The following TPTE variants were observed in gnomAD, a reference collection of about 807,000 sequenced individuals.
TPTE encodes transmembrane phosphatase with tensin homology.
Under a neutral mutation model 84.1 loss-of-function variants are expected in TPTE, and 59 were observed. The observed-to-expected ratio is 0.70, with a 90% confidence interval of 0.57 to 0.87. The LOEUF (loss-of-function observed/expected upper bound fraction) is 0.87. TPTE is among the 40% of genes least tolerant of loss of function. TPTE has a pLI of 0.00. For synonymous variants in TPTE, 130 were observed against 223.5 expected, an observed-to-expected ratio of 0.58 and a Z score of 3.73; for missense variants, 382 against 659.6, an observed-to-expected ratio of 0.58 and a Z score of 4.61.
chr21:10,589,141 T>G (rs1458090041), intron 17 of TPTE, among the ~76,000 whole-genome samples: 2 of 152,308 alleles, frequency 1.3e-5, no homozygotes, highest in Non-Finnish European at 2.9e-5. Context: ...TATTTTTGTT[T>G]GGGTAGGATT....
At chr21:10,524,802 G>A (rs1221389188) in intron 2 of TPTE, 114 bp downstream of exon 2, 2 of 152,430 alleles carry the variant, frequency 1.3e-5, no homozygotes, top group Non-Finnish European at 2.9e-5. Context: ...GCACAAGGTG[G>A]TAGACTGAGA....
At chr21:10,564,416 C>A (rs1487315963) in intron 10 of TPTE, among the ~76,000 whole-genome samples, 1 of 151,692 alleles carries the variant, frequency 6.6e-6, no homozygotes, top group African/African-American at 2.4e-5. Context: ...AGGCCGAGGC[C>A]GGAGAATCAC....
intron 17 of TPTE, among the ~76,000 whole-genome samples, chr21:10,586,056 T>C (rs2075358813): frequency 6.6e-6 from 1 of 152,296 alleles, no homozygotes; most frequent in African/African-American, 2.4e-5. Flanking sequence ...TCTCTATTTT[T>C]TACTTATTTT....
intron 8 of TPTE, among the ~76,000 whole-genome samples, chr21:10,554,233 T>C (rs1484809952): frequency 1.3e-5 from 2 of 152,276 alleles, no homozygotes; most frequent in Admixed American, 1.3e-4. Flanking sequence ...ATTCATTTAA[T>C]AGTCAGATAT....
At chr21:10,553,634 A>G (rs1447434376) in intron 8 of TPTE, among the ~76,000 whole-genome samples, 4 of 152,306 alleles carry the variant, frequency 2.6e-5, no homozygotes, top group African/African-American at 9.6e-5. Flanking sequence ...TTTAAATTAC[A>G]AAGTCTCATT....
At chr21:10,569,624 GT>G (rs760916199) in intron 12 of TPTE, 58 bp from the exon 13 acceptor site, 5 of 1,613,938 alleles carry the variant, frequency 3.1e-6, no homozygotes, top group Middle Eastern at 1.7e-4. Flanking sequence ...ACTGTATAAT[GT>G]TTTTTATTTT....
rs1206071623 is a variant in TPTE at position 10,593,517 on chromosome 21, A to G, written c.1170+1144A>G. 4.6e-5 allele frequency among the ~76,000 whole-genome samples: 7 copies of G among 152,304 alleles called. No individual in the cohort carries two copies. The South Asian group carries it at 6.2e-4, about 14-fold the overall frequency. On this transcript the variant is annotated intron_variant, in intron 19 of 23. Transcript: ENST00000618007. ...TTATTACTTGTAATTTGTTTATTGC[A>G]GAAACCAGGATGTTTATCCTATAGC...
intron 3 of TPTE, among the ~76,000 whole-genome samples, chr21:10,537,694 A>G (rs2074292112): frequency 1.3e-5 from 2 of 152,222 alleles, no homozygotes; most frequent in Admixed American, 6.5e-5. Context: ...AAAAAAAAAG[A>G]AAAAAGAAAA....
chr21:10,540,675 G>A, intron 4 of TPTE: 1 of 519,192 alleles, frequency 1.9e-6, no homozygotes, highest in Non-Finnish European at 3.8e-6. Flanking sequence ...ATGGGATGGA[G>A]CCCTTGCTTG....
At chr21:10,591,338 G>T (rs1436440892) in intron 18 of TPTE, among the ~76,000 whole-genome samples, 1 of 152,310 alleles carries the variant, frequency 6.6e-6, no homozygotes, top group Non-Finnish European at 1.5e-5. Flanking sequence ...TGTGCACAAT[G>T]CCCAGACTCC....
chr21:10,561,041 T>A lies in TPTE; in HGVS notation c.296T>A (p.Val99Asp). The stretch of plus-strand genomic sequence containing the variant: ...TTTGTTTATTTTAGACTATTTGGAG[T>A]TTTCCTGGTCTTACTGGATGTCACT... ...VSSFAFGLFGVFLVLLDVTLI... is the reference protein window; with the variant it reads ...VSSFAFGLFGDFLVLLDVTLI... Residue 99 changes from valine to aspartate, a missense_variant, in exon 10 of 24, where the codon GTT (valine) becomes GAT (aspartate). Coordinates refer to ENST00000618007, the MANE Select transcript of TPTE (RefSeq NM_199261.4). The A allele has an allele frequency of 6.2e-7, 1 of 1,611,184 alleles. No homozygotes were observed. The highest frequency in any genetic ancestry group is 8.5e-7 in the Non-Finnish European group (1 of 1,179,594).
chr21:10,538,627 A>C, intron 3 of TPTE, 54 bp from the exon 4 acceptor site: 1 of 1,612,922 alleles, frequency 6.2e-7, no homozygotes, highest in Non-Finnish European at 8.5e-7. Flanking sequence ...TTACCAGAAA[A>C]GTAAATTTTG....
intron 8 of TPTE, among the ~76,000 whole-genome samples, chr21:10,556,064 G>C (rs532661297): frequency 1.3e-5 from 2 of 152,414 alleles, no homozygotes; most frequent in South Asian, 2.1e-4. Context: ...TTATTATACT[G>C]TAAGTTCTAG....
intron 3 of TPTE, among the ~76,000 whole-genome samples, chr21:10,533,484 AATC>A (rs1299335146): frequency 2.0e-5 from 3 of 152,310 alleles, no homozygotes; most frequent in African/African-American, 7.2e-5. Flanking sequence ...TCAGATATCT[AATC>A]ATGTTGGTTT....
At chr21:10,546,430 T>C (rs2074469006) in intron 7 of TPTE, among the ~76,000 whole-genome samples, 1 of 152,306 alleles carries the variant, frequency 6.6e-6, no homozygotes, top group African/African-American at 2.4e-5. Context: ...AAGCCTATGA[T>C]GGTCTCTGAG....
chr21:10,551,738 GATA>G (rs1255624538), intron 7 of TPTE, among the ~76,000 whole-genome samples: 2 of 152,286 alleles, frequency 1.3e-5, no homozygotes, highest in African/African-American at 2.4e-5. Context: ...CCTCATAACA[GATA>G]ATGACAGAAA....
At chr21:10,578,634 A>C (rs1848216) in intron 17 of TPTE, 29 bp downstream of exon 17, 1 of 1,611,932 alleles carries the variant, frequency 6.2e-7, no homozygotes. Flanking sequence ...TTATTTCTCC[A>C]TTTCTAAAGA....
intron 14 of TPTE, among the ~76,000 whole-genome samples, chr21:10,573,070 AAAAG>A (rs1157706724): frequency 6.6e-6 from 1 of 152,296 alleles, no homozygotes; most frequent in Non-Finnish European, 1.5e-5. Context: ...AAAAAAAAAA[AAAAG>A]ACCCAACTGT....
intron 21 of TPTE, among the ~76,000 whole-genome samples, chr21:10,600,928 AG>A (rs542798556): frequency 3.4e-4 from 52 of 152,346 alleles, no homozygotes; most frequent in African/African-American, 1.2e-3. Flanking sequence ...CATGATGAGC[AG>A]GGGGACCCCA....
Sources: gnomAD v4.1 joint callset for allele counts (sites outside exome capture counted in the v4.1 genomes callset) on GRCh38, gnomAD v4.1.1 for gene constraint, MANE v1.5 for transcripts, NCBI Gene and HGNC (gene_info 2026-07-23, HGNC 2026-07-21) for gene names.